The following ADGRG2 variants were observed in gnomAD, a reference collection of about 807,000 sequenced individuals.
ADGRG2 encodes the protein G protein-coupled receptor 64.
Under a neutral mutation model 74.1 loss-of-function variants are expected in ADGRG2, and 26 were observed. The observed-to-expected ratio is 0.35, with a 90% CI of 0.26 to 0.49. ADGRG2 has a LOEUF of 0.49. ADGRG2 is among the 20% of genes least tolerant of loss of function. The pLI is 0.99. For missense variants in ADGRG2, 619 were observed against 763.1 expected (o/e 0.81, Z 2.22); for synonymous variants, 296 against 295.2 (o/e 1.00, Z -0.03).
At chrX:19,083,352 C>T (rs993687741) in intron 1 of ADGRG2, among the ~76,000 whole-genome samples, 3 of 109,971 alleles carry the variant, frequency 2.7e-5, no homozygotes, top group Non-Finnish European at 5.7e-5. Context: ...AATTACTGTT[C>T]AGTTGAAGAC....
intron 2 of ADGRG2, among the ~76,000 whole-genome samples, chrX:19,077,698 C>T (rs1397294266): frequency 9.0e-6 from 1 of 111,471 alleles, no homozygotes; most frequent in African/African-American, 3.3e-5. Flanking sequence ...AAAAGATATG[C>T]TATGCCCACA....
At chrX:18,992,962 C>T (rs1208184759) in intron 28 of ADGRG2, among the ~76,000 whole-genome samples, 1 of 112,083 alleles carries the variant, frequency 8.9e-6, no homozygotes, top group Non-Finnish European at 1.9e-5. Flanking sequence ...TGATGTCTCT[C>T]CTTTCAATTT....
intron 24 of ADGRG2, among the ~76,000 whole-genome samples, chrX:19,000,942 C>T (rs1264369209): frequency 9.0e-6 from 1 of 110,600 alleles, no homozygotes; most frequent in Non-Finnish European, 1.9e-5. Flanking sequence ...ACCATGTTGG[C>T]TAGGCTGGTC....
chrX:19,029,853 G>A (rs1402726750), intron 9 of ADGRG2, among the ~76,000 whole-genome samples: 1 of 111,207 alleles, frequency 9.0e-6, no homozygotes, highest in Non-Finnish European at 1.9e-5. Flanking sequence ...AGAGGAGGGA[G>A]AGAAGGAGGA....
Position 19,037,485 on chromosome X carries a change from C to G in ADGRG2, c.208G>C (p.Glu70Gln). 1 of 1,180,493 alleles carries G rather than the reference C, an allele frequency of 8.5e-7. No homozygotes were observed. Among genetic ancestry groups the G allele is most frequent in the Non-Finnish European group, 1.1e-6 (1 of 872,066 alleles). Reference sequence around the variant, plus strand: ...TTCTTACCATTGAGGCTTGTTGTTTCAACCTCTTTTTGTCCCGAGGAGAAA... The same window carrying G: ...TTCTTACCATTGAGGCTTGTTGTTTGAACCTCTTTTTGTCCCGAGGAGAAA... ...APSSNGTPEV[E>Q]TTSLNDVTLS... The change falls in exon 6 of 29, where the codon GAA becomes CAA. Residue 70 changes from glutamate to glutamine, a missense_variant. This residue lies in a region of ADGRG2 where 292 missense variants were observed against 318.0 expected (regional missense o/e 0.92). Coordinates refer to ENST00000379869, the MANE Select transcript of ADGRG2 (RefSeq NM_001079858.3).
At chrX:19,059,523 C>A (rs1018804643) in intron 3 of ADGRG2, among the ~76,000 whole-genome samples, 1 of 111,263 alleles carries the variant, frequency 9.0e-6, no homozygotes, top group African/African-American at 3.3e-5. Context: ...ACCGCAAAGA[C>A]CTACAGGAGT....
chrX:19,056,368 C>T (rs914547207), intron 3 of ADGRG2, among the ~76,000 whole-genome samples: 18 of 111,616 alleles, frequency 1.6e-4, no homozygotes, highest in African/African-American at 5.9e-4. Flanking sequence ...AGCATGAACC[C>T]GAGGAGGAGA....
chrX:19,003,666 T>C (rs1353669556), intron 23 of ADGRG2, among the ~76,000 whole-genome samples: 1 of 111,734 alleles, frequency 8.9e-6, no homozygotes, highest in East Asian at 2.8e-4. Context: ...TGTATTTCTG[T>C]GGGACCTTTT....
At chrX:19,060,454 C>T (rs937196057) in intron 3 of ADGRG2, among the ~76,000 whole-genome samples, 1 of 110,745 alleles carries the variant, frequency 9.0e-6, no homozygotes, top group Non-Finnish European at 1.9e-5. Context: ...CTGCTAGCAT[C>T]GCTTGGGGTA....
chrX:19,091,529 C>T lies in ADGRG2; in HGVS notation c.-46-8783G>A, dbSNP rs763085880. 4.0e-3 allele frequency among the ~76,000 whole-genome samples: 441 copies of T among 109,046 alleles called. 5 individuals are homozygous for T. Among genetic ancestry groups the T allele is most frequent in the African/African-American group, 0.013 (390 of 29,228 alleles). 94.7% of individuals were successfully genotyped at this position (109,046 alleles called of 115,157 possible). ...ACACACACACACACACACACACACA[C>T]ACACACACGAAAATCTATTAAAATG... On this transcript the variant is annotated intron_variant, in intron 1 of 28. Coordinates refer to ENST00000379869, the MANE Select transcript of ADGRG2 (RefSeq NM_001079858.3).
chrX:19,096,122 T>C (rs188411274), intron 1 of ADGRG2, among the ~76,000 whole-genome samples: 149 of 111,366 alleles, frequency 1.3e-3, no homozygotes, highest in African/African-American at 4.5e-3. Flanking sequence ...TAAAAGGAAA[T>C]GGACCAGGCC....
At chrX:19,091,955 C>T (rs955664260) in intron 1 of ADGRG2, among the ~76,000 whole-genome samples, 5 of 112,434 alleles carry the variant, frequency 4.4e-5, no homozygotes, top group Non-Finnish European at 9.4e-5. Flanking sequence ...GAAGAATTGA[C>T]GCGACTTGGG....
At chrX:19,101,425 G>C (rs1167829555) in intron 1 of ADGRG2, among the ~76,000 whole-genome samples, 1 of 111,497 alleles carries the variant, frequency 9.0e-6, no homozygotes, top group African/African-American at 3.3e-5. Flanking sequence ...GGATAGCCAG[G>C]CACGGTGGCT....
chrX:19,077,418 G>A (rs1302810581), intron 2 of ADGRG2, among the ~76,000 whole-genome samples: 7 of 104,920 alleles, frequency 6.7e-5, no homozygotes, highest in African/African-American at 2.1e-4. Context: ...GGAGGCTGAG[G>A]CAGGAGAATC....
At position 19,009,722 on chromosome X, in the gene ADGRG2, A is replaced by G; in HGVS notation, c.1326T>C (p.Ser442=). The G allele has an allele frequency of 1.7e-6, 2 of 1,203,386 alleles. No individual in the cohort carries two copies. Among genetic ancestry groups the G allele is most frequent in the East Asian group, 3.0e-5 (1 of 33,840 alleles). Residue 442 remains serine (S), a synonymous_variant, in exon 18 of 29, where the codon AGT becomes AGC. Coordinates refer to ENST00000379869, the MANE Select transcript of ADGRG2 (RefSeq NM_001079858.3). ...LQLNFSNTTI[S]LTSPSLALAV... is the part of the protein sequence containing the mutation. The stretch of plus-strand genomic sequence containing the variant: ...CCAGAGCCAAAGAAGGGGAGGTTAG[A>G]CTTATAGTCGTGTTTGAAAAGTTCA...
chrX:18,998,086 G>A (rs1047960092), intron 26 of ADGRG2, among the ~76,000 whole-genome samples: 3 of 112,253 alleles, frequency 2.7e-5, no homozygotes, highest in African/African-American at 9.7e-5. Context: ...ATTAACCAAT[G>A]GGAAACCTAA....
In ADGRG2 at chrX:19,036,103, C is replaced by A. The variant is rs569328375; in HGVS notation, c.227-126G>T. 9 of 388,522 alleles carry A rather than the reference C, an allele frequency of 2.3e-5. No homozygotes were observed. The South Asian group carries it at 4.2e-4, about 18-fold the overall frequency. 32.0% of individuals were successfully genotyped at this position (388,522 alleles called of 1,213,427 possible). On this transcript the variant is annotated intron_variant, in intron 6 of 28. Coordinates refer to ENST00000379869, the MANE Select transcript of ADGRG2 (RefSeq NM_001079858.3). ...GAGAAGTTAGTTTTGCAAAAGCCAA[C>A]TGACACTACTAAATGTTTTTGCTAC...
rs751043192 is a variant in ADGRG2, at chrX:19,042,248, G to A, written c.119-2024C>T. On this transcript the variant is annotated intron_variant, in intron 3 of 28. Transcript: ENST00000379869. ...AGAGCTACCACACTGGGCAACGTGG[G>A]AAAGCCCTGGGTAAAATCAACATTC... Among the ~76,000 whole-genome samples the A allele has an allele frequency of 8.9e-5, 10 of 111,737 alleles. No homozygotes were observed. In the South Asian group the frequency reaches 3.8e-3, roughly 42 times the overall value.
At chrX:19,048,560 C>T (rs1300607580) in intron 3 of ADGRG2, among the ~76,000 whole-genome samples, 2 of 111,602 alleles carry the variant, frequency 1.8e-5, no homozygotes, top group Non-Finnish European at 3.8e-5. Context: ...AAGGAAGGGC[C>T]ACTGACCTAC....
Sources: gnomAD v4.1 joint callset for allele counts (sites outside exome capture counted in the v4.1 genomes callset) on GRCh38, gnomAD v4.1.1 for gene constraint, gnomAD v4.1.1 regional missense constraint, MANE v1.5 for transcripts, NCBI Gene and HGNC (gene_info 2026-07-23, HGNC 2026-07-21) for gene names.